Variants in SEMA5A observed in about 807,000 individuals in gnomAD.
SEMA5A encodes the protein semaphorin 5A.
SEMA5A carries 55 observed loss-of-function variants against 135.5 expected under a neutral mutation model. The ratio of observed to expected loss-of-function variants is 0.41; its 90% confidence interval spans 0.33 to 0.51. SEMA5A has a LOEUF of 0.51. SEMA5A is among the 20% of genes least tolerant of loss of function. The pLI, the probability that SEMA5A is intolerant of heterozygous loss-of-function variation, is 0.37. For missense variants in SEMA5A, 1,290 were observed against 1,419.9 expected (o/e 0.91, Z 1.47); for synonymous variants, 580 against 546.5 (o/e 1.06, Z -0.85).
intron 1 of SEMA5A, among the ~76,000 whole-genome samples, chr5:9,471,160 C>T (rs1049631531): frequency 6.6e-6 from 1 of 152,062 alleles, no homozygotes; most frequent in Non-Finnish European, 1.5e-5. Context: ...ACCAGGAGAA[C>T]CCAATTCCCT....
intron 2 of SEMA5A, among the ~76,000 whole-genome samples, chr5:9,391,419 C>A (rs1307624140): frequency 7.1e-6 from 1 of 140,558 alleles, no homozygotes; most frequent in Non-Finnish European, 1.5e-5. Context: ...CCTGAAACTG[C>A]AACTTCATCT....
intron 2 of SEMA5A, among the ~76,000 whole-genome samples, chr5:9,392,889 G>GC (rs1275526582): frequency 6.6e-6 from 1 of 152,206 alleles, no homozygotes; most frequent in East Asian, 1.9e-4. Context: ...TAGCCATTGA[G>GC]CAGTGCTTAC....
At chr5:9,185,133 G>A (rs759270490) in intron 11 of SEMA5A, among the ~76,000 whole-genome samples, 3 of 152,162 alleles carry the variant, frequency 2.0e-5, no homozygotes, top group Non-Finnish European at 4.4e-5. Context: ...CCACTATGTT[G>A]TCCATGCTGG....
intron 1 of SEMA5A, among the ~76,000 whole-genome samples, chr5:9,445,142 T>C (rs1758383842): frequency 6.6e-6 from 1 of 152,164 alleles, no homozygotes; most frequent in Non-Finnish European, 1.5e-5. Context: ...TCAGAGAATT[T>C]TTCCTGCATC....
rs948655053 is a variant in SEMA5A at position 9,202,044 on chromosome 5, A to G, written c.843T>C (p.Pro281=). The change falls in exon 9 of 23, where the codon CCT becomes CCC. Residue 281 remains proline (P), a synonymous_variant. Coordinates refer to ENST00000382496, the MANE Select transcript of SEMA5A (RefSeq NM_003966.3). The stretch of plus-strand genomic sequence containing the variant: ...CGTTGTAGTAAAAGGGGACTTCCCC[A>G]GGACGGGAGCAGTTCAGGCGAGCCT... The part of the protein sequence containing the change: ...FMKARLNCSR[P]GEVPFYYNEL... The G allele has an allele frequency of 2.5e-6, 4 of 1,614,130 alleles. No homozygotes were observed. In the African/African-American group the frequency reaches 5.3e-5, roughly 22 times the overall value.
At chr5:9,102,034 T>G (rs1256566615) in intron 16 of SEMA5A, among the ~76,000 whole-genome samples, 1 of 152,134 alleles carries the variant, frequency 6.6e-6, no homozygotes, top group Non-Finnish European at 1.5e-5. Context: ...TTTTCATATA[T>G]CTCTTCATAA....
At chr5:9,122,895 A>C in intron 13 of SEMA5A, 58 bp from the exon 14 acceptor site, 11 of 1,395,976 alleles carry the variant, frequency 7.9e-6, no homozygotes, top group Non-Finnish European at 1.1e-5. Context: ...CACATAATGG[A>C]GTAAAAATTA....
intron 16 of SEMA5A, among the ~76,000 whole-genome samples, chr5:9,086,706 A>T (rs563952419): frequency 1.3e-5 from 2 of 152,360 alleles, no homozygotes; most frequent in East Asian, 3.9e-4. Context: ...CAAGCAGAAT[A>T]AATGTGTTTT....
At chr5:9,526,656 C>T (rs548964674) in intron 1 of SEMA5A, among the ~76,000 whole-genome samples, 3 of 152,196 alleles carry the variant, frequency 2.0e-5, no homozygotes, top group East Asian at 1.9e-4. Context: ...GGAGAAGCCC[C>T]GGAGCAGCTT....
At position 9,488,984 on chromosome 5, in the gene SEMA5A, C is replaced by A. The variant is rs1270827820; in HGVS notation, c.-174-51132G>T. Among the ~76,000 whole-genome samples, 3 of 152,124 alleles carry A rather than the reference C, an allele frequency of 2.0e-5. No homozygotes were observed. The East Asian group carries it at 5.8e-4, about 29-fold the overall frequency. ...TTGGTTTGATTGGTTTCATTTCTGG[C>A]TATTTACTTTGTGGTTACCTCCAGA... On this transcript the variant is annotated intron_variant, in intron 1 of 22. Transcript: ENST00000382496.
chr5:9,112,530 A>G (rs115744679), intron 15 of SEMA5A, among the ~76,000 whole-genome samples: 6 of 152,366 alleles, frequency 3.9e-5, no homozygotes, highest in Non-Finnish European at 8.8e-5. Context: ...CTGCACGTAC[A>G]TTAAGTCTAC....
chr5:9,405,157 G>A lies in SEMA5A; in HGVS notation c.-77-25134C>T, dbSNP rs184147370. On this transcript the variant is annotated intron_variant, in intron 2 of 22. Coordinates refer to ENST00000382496, the MANE Select transcript of SEMA5A (RefSeq NM_003966.3). ...CATCAAGAAACAAGAAACAAAATAGGTTGTTGAAAACACCCACATGTTACA... is the reference window on the plus strand; with the variant it reads ...CATCAAGAAACAAGAAACAAAATAGATTGTTGAAAACACCCACATGTTACA... Among the ~76,000 whole-genome samples the A allele has an allele frequency of 1.9e-3, 283 of 152,256 alleles. 1 individual carries two copies. The highest frequency in any genetic ancestry group is 6.6e-3 in the African/African-American group (274 of 41,540).
chr5:9,221,508 T>C (rs1041682537), intron 8 of SEMA5A, among the ~76,000 whole-genome samples: 7 of 151,666 alleles, frequency 4.6e-5, no homozygotes, highest in East Asian at 2.0e-4. Flanking sequence ...TTCACAGTGT[T>C]AGCCAGGATG....
At chr5:9,464,150 T>A (rs1759166480) in intron 1 of SEMA5A, among the ~76,000 whole-genome samples, 1 of 152,114 alleles carries the variant, frequency 6.6e-6, no homozygotes, top group African/African-American at 2.4e-5. Context: ...ACCAAAAATA[T>A]CATTAGACAT....
chr5:9,038,250 G>A lies in SEMA5A; in HGVS notation c.*4647C>T, dbSNP rs1013659946. ...GTACCGTCATAGAAATTGATTATTGGAGGTGTGGGGCTTAAGCACAGCCCT... is the reference window on the plus strand; with the variant it reads ...GTACCGTCATAGAAATTGATTATTGAAGGTGTGGGGCTTAAGCACAGCCCT... On this transcript the variant is annotated 3_prime_UTR_variant, in exon 23 of 23. Transcript: ENST00000382496. 1 of 152,336 alleles carries A rather than the reference G, an allele frequency of 6.6e-6. No individual in the cohort carries two copies. The highest frequency in any genetic ancestry group is 1.9e-4 in the East Asian group (1 of 5,184). 9.4% of individuals were successfully genotyped at this position (152,336 alleles called of 1,614,324 possible).
At chr5:9,296,888 C>T (rs1418783289) in intron 5 of SEMA5A, among the ~76,000 whole-genome samples, 1 of 51,426 alleles carries the variant, frequency 1.9e-5, no homozygotes, top group African/African-American at 4.5e-5. Context: ...ACATTATGCT[C>T]CAAACTGTGA....
intron 14 of SEMA5A, among the ~76,000 whole-genome samples, chr5:9,119,824 G>T (rs1740711778): frequency 2.6e-5 from 4 of 152,086 alleles, no homozygotes; most frequent in Admixed American, 6.5e-5. Context: ...GAGACATAAA[G>T]AGTGCAAATA....
intron 5 of SEMA5A, among the ~76,000 whole-genome samples, chr5:9,285,493 C>T (rs1350008979): frequency 1.3e-5 from 2 of 152,240 alleles, no homozygotes; most frequent in African/African-American, 4.8e-5. Flanking sequence ...AACATACTAA[C>T]ATACAAATTA....
intron 2 of SEMA5A, among the ~76,000 whole-genome samples, chr5:9,399,593 A>C (rs1756558715): frequency 6.6e-6 from 1 of 152,178 alleles, no homozygotes; most frequent in Admixed American, 6.5e-5. Flanking sequence ...AAAATCTCAA[A>C]AGGGTAAATT....
Sources: allele counts gnomAD v4.1 joint callset (sites outside exome capture counted in the v4.1 genomes callset), GRCh38; gene constraint gnomAD v4.1.1; transcripts MANE v1.5; gene names NCBI Gene and HGNC (gene_info 2026-07-23, HGNC 2026-07-21).